The following CUL4A variants were observed in gnomAD, a reference collection of about 807,000 sequenced individuals.
The protein encoded by CUL4A is cullin 4A.
A neutral mutation model predicts 95.5 loss-of-function variants in CUL4A; 16 were observed. The observed-to-expected ratio is 0.17, with a 90% CI of 0.11 to 0.25. The LOEUF (loss-of-function observed/expected upper bound fraction) is 0.25. CUL4A is among the 10% of genes least tolerant of loss of function. The pLI, the probability that CUL4A is intolerant of heterozygous loss-of-function variation, is 1.00. For synonymous variants in CUL4A, 380 were observed against 353.1 expected (o/e 1.08, Z -0.85); for missense variants, 610 against 937.0 (o/e 0.65, Z 4.56).
chr13:113,242,922 G>T (rs2041759712), intron 10 of CUL4A, 46 bp from the exon 11 acceptor site: 5 of 1,444,870 alleles, frequency 3.5e-6, no homozygotes, highest in Non-Finnish European at 4.8e-6. Flanking sequence ...GATACTGTTT[G>T]CTATTGTAAA....
At position 113,246,048 on chromosome 13, in the gene CUL4A, G is replaced by T; in HGVS notation, c.1623G>T (p.Val541=). The change falls in exon 15 of 20, where the codon GTG becomes GTT. Residue 541 remains valine, a synonymous_variant. Transcript: ENST00000375440. ...GGCCAACATACACGCCCATGGAAGT[G>T]CACTTAACCCCAGAAGTAAGTGTGC... ...GYWPTYTPME[V]HLTPEMIKLQ... 1 of 1,613,384 alleles carries T rather than the reference G, an allele frequency of 6.2e-7. No homozygotes were observed. Among genetic ancestry groups the T allele is most frequent in the East Asian group, 2.2e-5 (1 of 44,876 alleles).
intron 9 of CUL4A, among the ~76,000 whole-genome samples, chr13:113,237,366 A>G (rs530970711): frequency 3.9e-5 from 6 of 152,312 alleles, no homozygotes; most frequent in Admixed American, 3.3e-4. Flanking sequence ...AGCAGAGTAT[A>G]CTTTTCTCCT....
rs532992019 is a variant in CUL4A, at chr13:113,230,077, G to A, written c.512+558G>A. The A allele has an allele frequency of 2.7e-3, 509 of 186,802 alleles. 15 individuals carry two copies. The highest frequency in any genetic ancestry group is 0.024 in the Admixed American group (391 of 16,236). The allele number at this position is 186,802 out of a possible 1,614,324, so 11.6% of individuals were successfully genotyped here. ...GTGTCCTCTGTGGCCACCCCATGGC[G>A]CTGAATCCTGCCGCCTCCTGCAAGC... is the stretch of plus-strand genomic sequence containing the variant. On this transcript the variant is annotated intron_variant, in intron 5 of 19. Coordinates refer to ENST00000375440, the MANE Select transcript of CUL4A (RefSeq NM_001008895.4).
At position 113,244,208 on chromosome 13, in the gene CUL4A, T is replaced by A. The variant is rs566578394; in HGVS notation, c.1229-202T>A. 6 of 540,076 alleles carry A rather than the reference T, an allele frequency of 1.1e-5. No individual in the cohort carries two copies. In the East Asian group the frequency reaches 1.8e-4, roughly 16 times the overall value. 33.5% of individuals were successfully genotyped at this position (540,076 alleles called of 1,614,324 possible). ...ATTTAAACCTGCTTTAAACATTCAG[T>A]CCTGGCTTCATTAAAATTTTGGCAA... is the stretch of plus-strand genomic sequence containing the variant. On this transcript the variant is annotated intron_variant, in intron 11 of 19. Transcript: ENST00000375440.
intron 3 of CUL4A, among the ~76,000 whole-genome samples, chr13:113,223,822 T>G (rs1204768815): frequency 2.0e-5 from 3 of 152,254 alleles, no homozygotes; most frequent in Non-Finnish European, 4.4e-5. Flanking sequence ...CACTACCATC[T>G]TCTTCGTTTA....
chr13:113,234,074 A>G, intron 7 of CUL4A, 88 bp downstream of exon 7: 1 of 723,188 alleles, frequency 1.4e-6, no homozygotes, highest in Non-Finnish European at 2.4e-6. Context: ...GCCTTTTCAC[A>G]CACATGCAAA....
chr13:113,236,856 A>G lies in CUL4A; in HGVS notation c.882A>G (p.Leu294=). The change falls in exon 9 of 20, where the codon CTA becomes CTG. Residue 294 remains leucine (L), a synonymous_variant. Coordinates refer to ENST00000375440, the MANE Select transcript of CUL4A (RefSeq NM_001008895.4). The stretch of plus-strand genomic sequence containing the variant: ...TGATTGCTTGTGTGGAGAAACAGCT[A>G]TTAGGAGAACATTTAACAGCAATTC... ...KPLIACVEKQ[L]LGEHLTAILQ... is the part of the protein sequence containing the mutation. 1.2e-6 allele frequency: 2 copies of G among 1,612,822 alleles called. No homozygotes were observed. The highest frequency in any genetic ancestry group is 1.7e-6 in the Non-Finnish European group (2 of 1,179,120).
chr13:113,229,588 C>T, intron 5 of CUL4A, 69 bp downstream of exon 5: 1 of 1,289,934 alleles, frequency 7.8e-7, no homozygotes, highest in South Asian at 1.2e-5. Context: ...TTTGTGTCTT[C>T]CGCAGGCTAA....
chr13:113,237,124 A>G (rs2041570689), intron 9 of CUL4A, among the ~76,000 whole-genome samples: 1 of 152,192 alleles, frequency 6.6e-6, no homozygotes, highest in Non-Finnish European at 1.5e-5. Flanking sequence ...CCCCAGTGGC[A>G]GGAAGGCCCG....
intron 3 of CUL4A, among the ~76,000 whole-genome samples, chr13:113,225,586 T>C (rs6577034): frequency 0.24 from 36,953 of 152,176 alleles, 5,216 homozygotes; most frequent in East Asian, 0.55. Flanking sequence ...GATTGACTGG[T>C]GTCAGTTTAA....
At chr13:113,217,715 C>T in intron 2 of CUL4A, among the ~76,000 whole-genome samples, 1 of 152,122 alleles carries the variant, frequency 6.6e-6, no homozygotes, top group South Asian at 2.1e-4. Flanking sequence ...GATTATTTAT[C>T]TAAAGTGTTT....
rs1300087654 is a variant in CUL4A at position 113,244,493 on chromosome 13, A to T, written c.1312A>T (p.Ile438Phe). 1 of 1,612,968 alleles carries T rather than the reference A, an allele frequency of 6.2e-7. No individual in the cohort carries two copies. The highest frequency in any genetic ancestry group is 1.7e-5 in the Admixed American group (1 of 59,870). ...ELERTLDKIM[I>F]LFRFIHGKDV... ...GGAGCGGACGTTGGACAAGATCATG[A>T]TCCTGTTCAGGTTTATCCACGGTGA... The change falls in exon 12 of 20, where the codon ATC (isoleucine) becomes TTC (phenylalanine). Residue 438 changes from isoleucine to phenylalanine, a missense_variant. Around this residue, in one of 10 missense-constraint regions of CUL4A, gnomAD observed 153 missense variants for 244.5 expected, o/e 0.63. Transcript: ENST00000375440.
At chr13:113,254,248 C>T (rs2042065847) in intron 16 of CUL4A, among the ~76,000 whole-genome samples, 1 of 152,152 alleles carries the variant, frequency 6.6e-6, no homozygotes, top group African/African-American at 2.4e-5. Flanking sequence ...GCACTAACTC[C>T]TGAATAGAAA....
Position 113,242,064 on chromosome 13 carries a change from C to T in CUL4A, c.1036-904C>T, listed in dbSNP as rs912950969. On this transcript the variant is annotated intron_variant, in intron 10 of 19. Transcript: ENST00000375440. Reference sequence around the variant, plus strand: ...AGGCACAGTGGCTCACGCTTGTAATCCCACCACTTTGGGAGGCCAAGGCAG... The same window carrying T: ...AGGCACAGTGGCTCACGCTTGTAATTCCACCACTTTGGGAGGCCAAGGCAG... 4.6e-5 allele frequency among the ~76,000 whole-genome samples: 7 copies of T among 152,178 alleles called. No individual in the cohort carries two copies. In the South Asian group the frequency reaches 1.5e-3, roughly 32 times the overall value.
intron 2 of CUL4A, among the ~76,000 whole-genome samples, chr13:113,215,690 C>T (rs1243671031): frequency 1.3e-5 from 2 of 149,092 alleles, no homozygotes; most frequent in African/African-American, 2.5e-5. Context: ...ATGGAGGTCG[C>T]GTCCCATGTG....
intron 2 of CUL4A, among the ~76,000 whole-genome samples, chr13:113,212,364 C>T (rs920220339): frequency 6.6e-6 from 1 of 152,212 alleles, no homozygotes; most frequent in Non-Finnish European, 1.5e-5. Context: ...TCCAAGAAAT[C>T]TTGCTTAATC....
chr13:113,262,707 A>G (rs1046743041), intron 19 of CUL4A, among the ~76,000 whole-genome samples: 3 of 152,260 alleles, frequency 2.0e-5, no homozygotes, highest in African/African-American at 7.2e-5. Flanking sequence ...TCAAAGGATA[A>G]AAGTTGCCCC....
intron 15 of CUL4A, among the ~76,000 whole-genome samples, chr13:113,251,541 C>T (rs2041994572): frequency 6.6e-6 from 1 of 151,998 alleles, no homozygotes; most frequent in Non-Finnish European, 1.5e-5. Context: ...TGGGGGAGGG[C>T]CCGGGTGGGA....
chr13:113,236,748 G>A (rs747834227), intron 8 of CUL4A, 75 bp from the exon 9 acceptor site: 1 of 950,718 alleles, frequency 1.1e-6, no homozygotes, highest in Non-Finnish European at 1.7e-6. Context: ...ATAGACAAAT[G>A]CCCCCATCTT....
Sources: gnomAD v4.1 joint callset for allele counts (sites outside exome capture counted in the v4.1 genomes callset) on GRCh38, gnomAD v4.1.1 for gene constraint, gnomAD v4.1.1 regional missense constraint, MANE v1.5 for transcripts, NCBI Gene and HGNC (gene_info 2026-07-23, HGNC 2026-07-21) for gene names.